HIC1: variants seen among roughly 807,000 people sequenced by gnomAD.
The protein encoded by HIC1 is HIC ZBTB transcriptional repressor 1.
In HIC1, 9 loss-of-function variants were observed where a neutral mutation model predicts 26.4. The ratio of observed to expected loss-of-function variants is 0.34; its 90% CI spans 0.21 to 0.59. HIC1 has a LOEUF of 0.59. Ranked by LOEUF, HIC1 falls within the 20% of genes least tolerant of loss-of-function variation. The probability of loss-of-function intolerance (pLI) is 0.82; values close to 1 mark genes in which losing one functional copy is unlikely to be tolerated. For synonymous variants in HIC1, 631 were observed against 523.1 expected (o/e 1.21, Z -2.81); for missense variants, 965 against 1,075.7 (o/e 0.90, Z 1.44).
chr17:2,057,677 G>A lies in HIC1; in HGVS notation c.987G>A (p.Glu329=), dbSNP rs1321763799. Residue 329 remains glutamate (E), a synonymous_variant, in exon 2 of 2, where the codon GAG becomes GAA. Coordinates refer to ENST00000619757, the MANE Select transcript of HIC1 (RefSeq NM_006497.4). ...LGSYGDELGR[E]RGSPSERCEE... is the part of the protein sequence containing the mutation. ...GCTATGGCGACGAGCTGGGCCGGGAGCGCGGCTCCCCCAGCGAGCGCTGCG... is the reference window on the plus strand; with the variant it reads ...GCTATGGCGACGAGCTGGGCCGGGAACGCGGCTCCCCCAGCGAGCGCTGCG... 2 of 1,504,476 alleles carry A rather than the reference G, an allele frequency of 1.3e-6. No individual in the cohort carries two copies. The highest frequency in any genetic ancestry group is 2.1e-5 in the Admixed American group (1 of 48,184). 93.2% of individuals were successfully genotyped at this position (1,504,476 alleles called of 1,614,324 possible).
chr17:2,056,655 G>C lies in HIC1; in HGVS notation c.-20-16G>C. On this transcript the variant is annotated splice_polypyrimidine_tract_variant and intron_variant, in intron 1 of 1. Transcript: ENST00000619757. ...GCGCCGCACGGCTCTCACCCGGCCG[G>C]TGTGTGTCCCCGCAGGAGAGTGTGC... 6.5e-7 allele frequency: 1 copy of C among 1,529,062 alleles called. No individual in the cohort carries two copies. Among genetic ancestry groups the C allele is most frequent in the Non-Finnish European group, 8.8e-7 (1 of 1,133,990 alleles). The allele number at this position is 1,529,062 out of a possible 1,614,324, so 94.7% of individuals were successfully genotyped here.
At position 2,061,528 on chromosome 17, in the gene HIC1, G is replaced by T. The variant is rs761092700; in HGVS notation, c.*2693G>T. 1 of 1,574,950 alleles carries T rather than the reference G, an allele frequency of 6.3e-7. No individual in the cohort carries two copies. Among genetic ancestry groups the T allele is most frequent in the Non-Finnish European group, 8.6e-7 (1 of 1,160,148 alleles). On this transcript the variant is annotated 3_prime_UTR_variant, in exon 2 of 2. Transcript: ENST00000619757. The stretch of plus-strand genomic sequence containing the variant: ...GGGCCCACGTGAGGAAGGCTGGGAT[G>T]TCCCGTACAGGAACATTCCTTGTGA...
chr17:2,058,851 C>A lies in HIC1; in HGVS notation c.*16C>A, dbSNP rs1378760110. On this transcript the variant is annotated 3_prime_UTR_variant, in exon 2 of 2. Coordinates refer to ENST00000619757, the MANE Select transcript of HIC1 (RefSeq NM_006497.4). ...TCCCACCTAGAGCGCCCCTCGCCAGCCCGCTCTGTCGCTGCTGCGCGGCCC... is the reference window on the plus strand; with the variant it reads ...TCCCACCTAGAGCGCCCCTCGCCAGACCGCTCTGTCGCTGCTGCGCGGCCC... 2.1e-6 allele frequency: 3 copies of A among 1,421,122 alleles called. No individual in the cohort carries two copies. Among genetic ancestry groups the A allele is most frequent in the South Asian group, 1.5e-5 (1 of 65,618 alleles). 88.0% of individuals were successfully genotyped at this position (1,421,122 alleles called of 1,614,324 possible).
rs527376620 is a variant in HIC1 at position 2,058,976 on chromosome 17, C to G, written c.*141C>G. On this transcript the variant is annotated 3_prime_UTR_variant, in exon 2 of 2. Coordinates refer to ENST00000619757, the MANE Select transcript of HIC1 (RefSeq NM_006497.4). Reference sequence around the variant, plus strand: ...AGTGGCGGCTCCACCTCTCGGCGGCCTCACCTGGCCTCACTGCTTCGTGCC... The same window carrying G: ...AGTGGCGGCTCCACCTCTCGGCGGCGTCACCTGGCCTCACTGCTTCGTGCC... 1.6e-4 allele frequency: 111 copies of G among 690,366 alleles called. No individual in the cohort carries two copies. The highest frequency in any genetic ancestry group is 2.3e-4 in the Non-Finnish European group (104 of 450,172). 42.8% of individuals were successfully genotyped at this position (690,366 alleles called of 1,614,324 possible). A position where few individuals can be genotyped will look rare whatever the true frequency, so the allele number is the denominator to read the frequency against.
In HIC1 at chr17:2,058,039, G is replaced by C. The variant is rs544540526; in HGVS notation, c.1349G>C (p.Arg450Thr). The change falls in exon 2 of 2, where the codon AGG becomes ACG. Residue 450 changes from arginine to threonine, a missense_variant. Transcript: ENST00000619757. The stretch of plus-strand genomic sequence containing the variant: ...GAGGAGGAGGAAGCGCTGTACGGCA[G>C]GGCCGAGGCGGCCGAAGTGGCCGCT... Reference protein sequence around the residue: ...HVEEEEALYGRAEAAEVAAGA... With the variant: ...HVEEEEALYGTAEAAEVAAGA... 9.9e-5 allele frequency: 158 copies of C among 1,587,980 alleles called. No individual in the cohort carries two copies. The highest frequency in any genetic ancestry group is 1.3e-4 in the Non-Finnish European group (153 of 1,168,654).
chr17:2,061,810 G>A lies in HIC1; in HGVS notation c.*2975G>A. The A allele has an allele frequency of 1.7e-6, 1 of 599,046 alleles. No homozygotes were observed. The highest frequency in any genetic ancestry group is 2.9e-6 in the Non-Finnish European group (1 of 344,554). The allele number at this position is 599,046 out of a possible 1,614,324, so 37.1% of individuals were successfully genotyped here. A position where few individuals can be genotyped will look rare whatever the true frequency, so the allele number is the denominator to read the frequency against. Reference sequence around the variant, plus strand: ...GACCCTCCCCTGCTGGCCTAGAGAGGGCTGCACTGGGCTTCTGCCTTGACT... The same window carrying A: ...GACCCTCCCCTGCTGGCCTAGAGAGAGCTGCACTGGGCTTCTGCCTTGACT... On this transcript the variant is annotated 3_prime_UTR_variant, in exon 2 of 2. Coordinates refer to ENST00000619757, the MANE Select transcript of HIC1 (RefSeq NM_006497.4).
rs760294697 is a variant in HIC1, at chr17:2,061,438, C to T, written c.*2603C>T. The T allele has an allele frequency of 6.6e-7, 1 of 1,521,236 alleles. No individual in the cohort carries two copies. 94.2% of individuals were successfully genotyped at this position (1,521,236 alleles called of 1,614,324 possible). On this transcript the variant is annotated 3_prime_UTR_variant, in exon 2 of 2. Transcript: ENST00000619757. ...GGCATCTTCCGTGCTACACTGGGCG[C>T]CTGGTGGCCTTTCAGGAACGGTTCC...
At position 2,055,121 on chromosome 17, in the gene HIC1, G is replaced by C. The variant is rs1477037086; in HGVS notation, c.-138G>C. 1 of 152,302 alleles carries C rather than the reference G, an allele frequency of 6.6e-6. No homozygotes were observed. Among genetic ancestry groups the C allele is most frequent in the Non-Finnish European group, 1.5e-5 (1 of 68,158 alleles). 9.4% of individuals were successfully genotyped at this position (152,302 alleles called of 1,614,324 possible). On this transcript the variant is annotated 5_prime_UTR_variant, in exon 1 of 2. Coordinates refer to ENST00000619757, the MANE Select transcript of HIC1 (RefSeq NM_006497.4). This position sits in a 1 kb window ranked among gnomAD's most constrained non-coding sequence, Gnocchi z 6.4. ...CGGGGCTGAGACGCGACCAGGACGC[G>C]GGGAGGACGGACCAGCAGGACAGAC...
In HIC1 at chr17:2,057,518, G is replaced by A; in HGVS notation, c.828G>A (p.Gln276=). The A allele has an allele frequency of 6.7e-7, 1 of 1,491,766 alleles. No homozygotes were observed. Among genetic ancestry groups the A allele is most frequent in the Non-Finnish European group, 8.9e-7 (1 of 1,126,676 alleles). 92.4% of individuals were successfully genotyped at this position (1,491,766 alleles called of 1,614,324 possible). A position where few individuals can be genotyped will look rare whatever the true frequency, so the allele number is the denominator to read the frequency against. ...ALPSLPPLPF[Q]KLEEAAPPSD... The stretch of plus-strand genomic sequence containing the variant: ...CGTCGCTGCCGCCGCTGCCCTTCCA[G>A]AAGCTGGAGGAGGCCGCACCGCCTT... The change falls in exon 2 of 2, where the codon CAG becomes CAA. Residue 276 remains glutamine, a synonymous_variant. Coordinates refer to ENST00000619757, the MANE Select transcript of HIC1 (RefSeq NM_006497.4).
chr17:2,061,603 C>A lies in HIC1; in HGVS notation c.*2768C>A, dbSNP rs1407901242. ...CATCCGTCAACAGCACCACCTCCCG[C>A]AGTAGCCGGATTGGCTCCTCTGTGG... On this transcript the variant is annotated 3_prime_UTR_variant, in exon 2 of 2. Coordinates refer to ENST00000619757, the MANE Select transcript of HIC1 (RefSeq NM_006497.4). 10 of 1,572,170 alleles carry A rather than the reference C, an allele frequency of 6.4e-6. No individual in the cohort carries two copies. In the South Asian group the frequency reaches 1.2e-4, roughly 18 times the overall value.
rs1403701449 is a variant in HIC1, at chr17:2,055,560, C to T, written c.-21+322C>T. Among the ~76,000 whole-genome samples, 1 of 146,790 alleles carries T rather than the reference C, an allele frequency of 6.8e-6. No individual in the cohort carries two copies. Among genetic ancestry groups the T allele is most frequent in the South Asian group, 2.4e-4 (1 of 4,252 alleles). Reference sequence around the variant, plus strand: ...GGCACAGCTCGGGGCCTGGCAGCGGCGGGTGGGGCATCGGCTAAGAGCTGC... The same window carrying T: ...GGCACAGCTCGGGGCCTGGCAGCGGTGGGTGGGGCATCGGCTAAGAGCTGC... On this transcript the variant is annotated intron_variant, in intron 1 of 1. Coordinates refer to ENST00000619757, the MANE Select transcript of HIC1 (RefSeq NM_006497.4). This position sits in a 1 kb window ranked among gnomAD's most constrained non-coding sequence, Gnocchi z 6.4.
Position 2,057,253 on chromosome 17 carries a change from C to T in HIC1, c.563C>T (p.Pro188Leu). Reference protein sequence around the residue: ...PPPAAEPPSGPEAAVNTHCAE... With the variant: ...PPPAAEPPSGLEAAVNTHCAE... ...CCTGCCGCGGAGCCGCCCTCGGGCCCAGAGGCCGCGGTCAACACGCACTGC... is the reference window on the plus strand; with the variant it reads ...CCTGCCGCGGAGCCGCCCTCGGGCCTAGAGGCCGCGGTCAACACGCACTGC... The change falls in exon 2 of 2, where the codon CCA becomes CTA. Residue 188 changes from proline (P) to leucine (L), a missense_variant. Transcript: ENST00000619757. The T allele has an allele frequency of 6.9e-7, 1 of 1,449,484 alleles. No individual in the cohort carries two copies. The highest frequency in any genetic ancestry group is 9.0e-7 in the Non-Finnish European group (1 of 1,105,176). The allele number at this position is 1,449,484 out of a possible 1,614,324, so 89.8% of individuals were successfully genotyped here. A position where few individuals can be genotyped will look rare whatever the true frequency, so the allele number is the denominator to read the frequency against.
chr17:2,057,551 A>G lies in HIC1; in HGVS notation c.861A>G (p.Pro287=). 3 of 1,499,008 alleles carry G rather than the reference A, an allele frequency of 2.0e-6. No individual in the cohort carries two copies. The highest frequency in any genetic ancestry group is 2.7e-6 in the Non-Finnish European group (3 of 1,129,568). The allele number at this position is 1,499,008 out of a possible 1,614,324, so 92.9% of individuals were successfully genotyped here. ...AGGAGGCCGCACCGCCTTCCGACCC[A>G]TTTCGCGGCGGCAGCGGCAGCCCGG... ...KLEEAAPPSD[P]FRGGSGSPGP... is the part of the protein sequence containing the mutation. Residue 287 remains proline, a synonymous_variant, in exon 2 of 2, where the codon CCA becomes CCG. Coordinates refer to ENST00000619757, the MANE Select transcript of HIC1 (RefSeq NM_006497.4).
At position 2,061,475 on chromosome 17, in the gene HIC1, G is replaced by T. The variant is rs2067774295; in HGVS notation, c.*2640G>T. ...TCAGGAACGGTTCCACGGGGGGGGG[G>T]CCCCAGTGTGGCTCCCTCAGCCCAC... On this transcript the variant is annotated 3_prime_UTR_variant, in exon 2 of 2. Coordinates refer to ENST00000619757, the MANE Select transcript of HIC1 (RefSeq NM_006497.4). 2 of 1,565,316 alleles carry T rather than the reference G, an allele frequency of 1.3e-6. No individual in the cohort carries two copies. The highest frequency in any genetic ancestry group is 1.7e-6 in the Non-Finnish European group (2 of 1,156,798).
At chr17:2,056,352 T>G (rs2067672507) in intron 1 of HIC1, 1 of 1,612,966 alleles carries the variant, frequency 6.2e-7, no homozygotes. Context: ...ATCGGGTAAC[T>G]GTCTCCAAAA....
At position 2,059,006 on chromosome 17, in the gene HIC1, C is replaced by T. The variant is rs992713512; in HGVS notation, c.*171C>T. On this transcript the variant is annotated 3_prime_UTR_variant, in exon 2 of 2. Coordinates refer to ENST00000619757, the MANE Select transcript of HIC1 (RefSeq NM_006497.4). ...CTGGCCTCACTGCTTCGTGCCTTAG[C>T]TCGGGGGTCGGGGGAGAACCCCGGG... is the stretch of plus-strand genomic sequence containing the variant. 2 of 562,940 alleles carry T rather than the reference C, an allele frequency of 3.6e-6. No individual in the cohort carries two copies. The highest frequency in any genetic ancestry group is 4.4e-5 in the Admixed American group (1 of 22,938). The allele number at this position is 562,940 out of a possible 1,614,324, so 34.9% of individuals were successfully genotyped here.
Position 2,057,842 on chromosome 17 carries a change from C to A in HIC1, c.1152C>A (p.Thr384=). 2 of 1,582,436 alleles carry A rather than the reference C, an allele frequency of 1.3e-6. No individual in the cohort carries two copies. The highest frequency in any genetic ancestry group is 1.1e-5 in the South Asian group (1 of 87,630). The change falls in exon 2 of 2, where the codon ACC becomes ACA. Residue 384 remains threonine, a synonymous_variant. Coordinates refer to ENST00000619757, the MANE Select transcript of HIC1 (RefSeq NM_006497.4). ...GDDYKSSSEE[T]GSSEDPSPPG... ...ACTACAAGAGCAGCAGCGAGGAGAC[C>A]GGTAGCAGCGAGGACCCCAGCCCGC... is the stretch of plus-strand genomic sequence containing the variant.
chr17:2,062,517 GCA>G lies in HIC1; in HGVS notation c.*3685_*3686del, dbSNP rs1445439336. On this transcript the variant is annotated 3_prime_UTR_variant, in exon 2 of 2. Transcript: ENST00000619757. ...TTTAGATGACTTTTTTTTTTTTTAA[GCA>G]CAGTCTCTCCACTACCTCTCTTTCC... The G allele has an allele frequency of 1.4e-5, 2 of 143,488 alleles. No homozygotes were observed. The highest frequency in any genetic ancestry group is 2.6e-5 in the African/African-American group (1 of 38,942). The allele number at this position is 143,488 out of a possible 1,614,324, so 8.9% of individuals were successfully genotyped here.
rs954406185 is a variant in HIC1 at position 2,061,839 on chromosome 17, G to A, written c.*3004G>A. On this transcript the variant is annotated 3_prime_UTR_variant, in exon 2 of 2. Transcript: ENST00000619757. ...GCACTGGGCTTCTGCCTTGACTCCG[G>A]CCTCCCATACAGGACTCTCTTCTGC... 3 of 542,586 alleles carry A rather than the reference G, an allele frequency of 5.5e-6. No homozygotes were observed. The highest frequency in any genetic ancestry group is 1.9e-5 in the African/African-American group (1 of 52,298). The allele number at this position is 542,586 out of a possible 1,614,324, so 33.6% of individuals were successfully genotyped here.
Sources: gnomAD v4.1 joint callset for allele counts (sites outside exome capture counted in the v4.1 genomes callset) on GRCh38, gnomAD v4.1.1 for gene constraint, Gnocchi (gnomAD v3.1) non-coding constraint, MANE v1.5 for transcripts, NCBI Gene and HGNC (gene_info 2026-07-23, HGNC 2026-07-21) for gene names.